Variants in NAA35 observed in about 807,000 individuals in gnomAD.
NAA35 encodes the protein N-alpha-acetyltransferase 35, NatC auxiliary subunit, also known as MAK10 homolog, amino-acid N-acetyltransferase subunit.
In NAA35, 18 loss-of-function variants were observed where a neutral mutation model predicts 101.7. The observed-to-expected ratio is 0.18, with a 90% CI of 0.12 to 0.26. The LOEUF (loss-of-function observed/expected upper bound fraction) is 0.26, where lower values mean the gene tolerates loss of function less well. Ranked by LOEUF, NAA35 falls within the 10% of genes least tolerant of loss-of-function variation. The pLI is 1.00. For missense variants in NAA35, 601 were observed against 886.8 expected, an observed-to-expected ratio of 0.68 and a Z score of 4.09; for synonymous variants, 267 against 273.1, an observed-to-expected ratio of 0.98 and a Z score of 0.22.
At position 85,969,650 on chromosome 9, in the gene NAA35, T is replaced by TAAAAA. The variant is rs58545360; in HGVS notation, c.517-5313_517-5312insAAAAA. On this transcript the variant is annotated intron_variant, in intron 6 of 22. Transcript: ENST00000361671. ...TAATTCTTTTCAGCCAGATCCTTTT[T>TAAAAA]AAAAGGGGTACCCACAGCCTGGACA... 8.3e-3 allele frequency among the ~76,000 whole-genome samples: 1,262 copies of TAAAAA among 152,216 alleles called. 22 individuals carry two copies. Among genetic ancestry groups the TAAAAA allele is most frequent in the African/African-American group, 0.029 (1,216 of 41,516 alleles).
chr9:85,964,217 C>T (rs576062011), intron 6 of NAA35, among the ~76,000 whole-genome samples: 2 of 149,792 alleles, frequency 1.3e-5, no homozygotes, highest in Admixed American at 6.7e-5. Flanking sequence ...ACATATGATT[C>T]GTATGCAGAT....
intron 11 of NAA35, among the ~76,000 whole-genome samples, chr9:85,985,590 T>C (rs1830614278): frequency 6.6e-6 from 1 of 152,124 alleles, no homozygotes; most frequent in Admixed American, 6.6e-5. Context: ...GGGGGAAGAA[T>C]CATGGGCAGG....
chr9:85,941,965 G>C, intron 1 of NAA35, 190 bp from the exon 2 acceptor site: 1 of 1,246,466 alleles, frequency 8.0e-7, no homozygotes, highest in Non-Finnish European at 1.0e-6. Context: ...TAAGCAGCAG[G>C]AGTGTTAATT....
At chr9:85,955,360 A>ATATATATATAT (rs749448250) in intron 2 of NAA35, among the ~76,000 whole-genome samples, 2 of 53,932 alleles carry the variant, frequency 3.7e-5, no homozygotes, top group African/African-American at 1.5e-4. Context: ...ATATATATAT[A>ATATATATATAT]TTTTTTTTTT....
intron 22 of NAA35, among the ~76,000 whole-genome samples, chr9:86,021,466 T>C (rs1308705586): frequency 6.6e-6 from 1 of 152,212 alleles, no homozygotes; most frequent in Non-Finnish European, 1.5e-5. Context: ...TTTGCCTGTG[T>C]GTGTTGTGCA....
chr9:85,969,096 ACAGC>A (rs1829887903), intron 6 of NAA35, among the ~76,000 whole-genome samples: 1 of 151,964 alleles, frequency 6.6e-6, no homozygotes, highest in African/African-American at 2.4e-5. Context: ...TGCCCACTAC[ACAGC>A]TGTGTCATTC....
At position 86,010,248 on chromosome 9, in the gene NAA35, CATAATA is replaced by C. The variant is rs544359131; in HGVS notation, c.1290+337_1290+342del. 1.5e-3 allele frequency among the ~76,000 whole-genome samples: 224 copies of C among 150,658 alleles called. 4 individuals are homozygous for C. The South Asian group carries it at 0.034, about 23-fold the overall frequency. ...CAGAGTGAGACTTTGTCTCAATAAC[CATAATA>C]ATAATAATAATAATAATAAATTGCT... On this transcript the variant is annotated intron_variant, in intron 15 of 22. Coordinates refer to ENST00000361671, the MANE Select transcript of NAA35 (RefSeq NM_024635.4).
At chr9:86,000,230 G>C (rs1304080550) in intron 12 of NAA35, among the ~76,000 whole-genome samples, 1 of 152,114 alleles carries the variant, frequency 6.6e-6, no homozygotes, top group East Asian at 1.9e-4. Context: ...AAACAACCTT[G>C]CATCCCAGGG....
chr9:85,966,627 A>C, intron 6 of NAA35: 3 of 1,297,910 alleles, frequency 2.3e-6, no homozygotes, highest in Non-Finnish European at 3.0e-6. Flanking sequence ...ATTGATTTTC[A>C]TGAATATAAT....
intron 12 of NAA35, among the ~76,000 whole-genome samples, chr9:85,998,918 G>A (rs1302050137): frequency 3.9e-5 from 6 of 152,206 alleles, no homozygotes; most frequent in Non-Finnish European, 8.8e-5. Flanking sequence ...AGCTCACACA[G>A]TATATAGTTT....
intron 2 of NAA35, among the ~76,000 whole-genome samples, chr9:85,947,311 A>G (rs561074596): frequency 6.6e-6 from 1 of 152,328 alleles, no homozygotes; most frequent in East Asian, 1.9e-4. Context: ...ATTCTTTGTG[A>G]AACTTTCAGT....
chr9:85,943,564 A>G (rs780803814), intron 2 of NAA35, among the ~76,000 whole-genome samples: 1 of 152,162 alleles, frequency 6.6e-6, no homozygotes, highest in African/African-American at 2.4e-5. Context: ...ATCACTTTTT[A>G]TAGCCTCAGT....
chr9:85,968,052 G>A lies in NAA35; in HGVS notation c.516+5872G>A, dbSNP rs192511618. Reference sequence around the variant, plus strand: ...TTACCTCTTTCTTCTTACCCCTTACGTTCGGATTATTTTGCTTTGGCTTGC... The same window carrying A: ...TTACCTCTTTCTTCTTACCCCTTACATTCGGATTATTTTGCTTTGGCTTGC... On this transcript the variant is annotated intron_variant, in intron 6 of 22. Coordinates refer to ENST00000361671, the MANE Select transcript of NAA35 (RefSeq NM_024635.4). Among the ~76,000 whole-genome samples the A allele has an allele frequency of 7.7e-4, 117 of 152,076 alleles. 1 individual carries two copies. The highest frequency in any genetic ancestry group is 8.3e-4 in the South Asian group (4 of 4,822).
At chr9:85,958,371 A>G (rs913978397) in intron 3 of NAA35, 101 bp from the exon 4 acceptor site, 3 of 625,584 alleles carry the variant, frequency 4.8e-6, no homozygotes, top group South Asian at 4.5e-5. Context: ...TGCATAGAAT[A>G]CTTTAGTTAT....
At chr9:86,011,852 T>C (rs1374036467) in intron 15 of NAA35, among the ~76,000 whole-genome samples, 1 of 143,946 alleles carries the variant, frequency 6.9e-6, no homozygotes. Context: ...GACTTTGAGT[T>C]CAACTTTTAA....
At chr9:86,020,581 C>T (rs1235206506) in intron 21 of NAA35, among the ~76,000 whole-genome samples, 1 of 152,248 alleles carries the variant, frequency 6.6e-6, no homozygotes, top group East Asian at 1.9e-4. Context: ...CAGTGGCTCA[C>T]GCCTATAATC....
intron 2 of NAA35, among the ~76,000 whole-genome samples, chr9:85,947,084 C>A (rs888571547): frequency 6.6e-6 from 1 of 152,082 alleles, no homozygotes; most frequent in South Asian, 2.1e-4. Context: ...TCTGGGACTA[C>A]GGAAGTTTGA....
intron 22 of NAA35, 151 bp from the exon 23 acceptor site, chr9:86,021,750 C>T: frequency 1.6e-6 from 1 of 639,346 alleles, no homozygotes; most frequent in East Asian, 3.0e-5. Context: ...TTAGTTCCTA[C>T]CTTTTTTGTC....
intron 11 of NAA35, among the ~76,000 whole-genome samples, chr9:85,984,559 CAT>C (rs1830569198): frequency 6.6e-6 from 1 of 152,152 alleles, no homozygotes; most frequent in African/African-American, 2.4e-5. Context: ...CAGAGTGTCA[CAT>C]GTGCAGCAGT....
Sources: gnomAD v4.1 joint callset for allele counts (sites outside exome capture counted in the v4.1 genomes callset) on GRCh38, gnomAD v4.1.1 for gene constraint, MANE v1.5 for transcripts, NCBI Gene and HGNC (gene_info 2026-07-23, HGNC 2026-07-21) for gene names.